Variants in GRM1 observed in about 807,000 individuals in gnomAD.
The protein encoded by GRM1 is metabotropic glutamate receptor 1.
Under a neutral mutation model 90.9 loss-of-function variants are expected in GRM1, and 33 were observed. That is an observed-to-expected ratio of 0.36 (90% confidence interval 0.28 to 0.49). The LOEUF (loss-of-function observed/expected upper bound fraction) is 0.49, where lower values mean the gene tolerates loss of function less well. Ranked by LOEUF, GRM1 falls within the 20% of genes least tolerant of loss-of-function variation. GRM1 has a pLI of 0.99. For missense variants in GRM1, 1,190 were observed against 1,534.3 expected (o/e 0.78, Z 3.75); for synonymous variants, 700 against 613.2 (o/e 1.14, Z -2.09).
chr6:146,230,726 C>A (rs1276664422), intron 2 of GRM1, among the ~76,000 whole-genome samples: 2 of 152,126 alleles, frequency 1.3e-5, no homozygotes, highest in African/African-American at 4.8e-5. Context: ...AAGTTTATAG[C>A]AGCTTTATTT....
intron 2 of GRM1, among the ~76,000 whole-genome samples, chr6:146,292,536 A>AT (rs1230323535): frequency 6.6e-6 from 1 of 151,978 alleles, no homozygotes; most frequent in East Asian, 1.9e-4. Context: ...ATCATTAGCC[A>AT]TTACAAAAAT....
chr6:146,261,788 C>T (rs962931238), intron 2 of GRM1, among the ~76,000 whole-genome samples: 1 of 151,726 alleles, frequency 6.6e-6, no homozygotes, highest in Non-Finnish European at 1.5e-5. Flanking sequence ...TTGAGATGGT[C>T]TCCTAAAATG....
At chr6:146,380,909 T>A (rs1776295874) in intron 5 of GRM1, among the ~76,000 whole-genome samples, 1 of 152,142 alleles carries the variant, frequency 6.6e-6, no homozygotes, top group South Asian at 2.1e-4. Context: ...TGTATAGAAG[T>A]GTCCTCTGGG....
chr6:146,087,654 TTTG>T (rs1776590317), intron 1 of GRM1, among the ~76,000 whole-genome samples: 1 of 152,168 alleles, frequency 6.6e-6, no homozygotes, highest in Non-Finnish European at 1.5e-5. Context: ...TCTCTATAAT[TTTG>T]TTATTTAAAG....
Position 146,422,172 on chromosome 6 carries a change from G to A in GRM1, c.2661-11700G>A, listed in dbSNP as rs112996376. Among the ~76,000 whole-genome samples the A allele has an allele frequency of 9.6e-3, 1,467 of 152,168 alleles. 26 individuals are homozygous for A. The highest frequency in any genetic ancestry group is 0.031 in the Middle Eastern group (9 of 294). ...AAAGTAGATTAACCTCCAAACCTCCGAAAACATGCAACTTCATAGACAGCT... is the reference window on the plus strand; with the variant it reads ...AAAGTAGATTAACCTCCAAACCTCCAAAAACATGCAACTTCATAGACAGCT... On this transcript the variant is annotated intron_variant, in intron 7 of 7. Coordinates refer to ENST00000282753, the MANE Select transcript of GRM1 (RefSeq NM_001278064.2).
At chr6:146,198,206 G>A (rs1224091756) in intron 2 of GRM1, among the ~76,000 whole-genome samples, 1 of 152,176 alleles carries the variant, frequency 6.6e-6, no homozygotes, top group Non-Finnish European at 1.5e-5. Context: ...TTTCTAATCT[G>A]CTTTAGCAAT....
intron 3 of GRM1, among the ~76,000 whole-genome samples, chr6:146,327,218 C>T (rs971658260): frequency 6.6e-6 from 1 of 152,086 alleles, no homozygotes; most frequent in African/African-American, 2.4e-5. Context: ...ATCATATCAC[C>T]ATAGGTCTCT....
Position 146,124,922 on chromosome 6 carries a change from G to T in GRM1, c.701-34426G>T, listed in dbSNP as rs549859191. The stretch of plus-strand genomic sequence containing the variant: ...AAATATGAAAATTTTTAAAATTCCA[G>T]TTCCTCATTTAAACTAGAGAAAACT... On this transcript the variant is annotated intron_variant, in intron 1 of 7. Transcript: ENST00000282753. Among the ~76,000 whole-genome samples, 286 of 152,212 alleles carry T rather than the reference G, an allele frequency of 1.9e-3. 2 individuals are homozygous for T. The highest frequency in any genetic ancestry group is 6.4e-3 in the African/African-American group (265 of 41,542).
intron 3 of GRM1, among the ~76,000 whole-genome samples, chr6:146,337,777 T>A (rs1427041229): frequency 1.3e-5 from 2 of 152,182 alleles, no homozygotes; most frequent in Non-Finnish European, 2.9e-5. Context: ...ATAAATGTTA[T>A]CATTATAATT....
chr6:146,359,081 T>TG (rs1775351829), intron 5 of GRM1, among the ~76,000 whole-genome samples: 1 of 152,088 alleles, frequency 6.6e-6, no homozygotes, highest in South Asian at 2.1e-4. Flanking sequence ...ATGTGGGGGA[T>TG]TCAGGAGACA....
intron 2 of GRM1, among the ~76,000 whole-genome samples, chr6:146,239,421 A>G (rs1194806570): frequency 6.6e-6 from 1 of 152,090 alleles, no homozygotes; most frequent in African/African-American, 2.4e-5. Context: ...CATTATAACT[A>G]TCTGGTTTGG....
chr6:146,133,517 T>G (rs1366224841), intron 1 of GRM1, among the ~76,000 whole-genome samples: 3 of 152,234 alleles, frequency 2.0e-5, no homozygotes, highest in African/African-American at 7.2e-5. Flanking sequence ...CTATTTTATT[T>G]ATGTATATCT....
chr6:146,352,312 A>T lies in GRM1; in HGVS notation c.1249A>T (p.Ile417Phe). 6.2e-7 allele frequency: 1 copy of T among 1,614,026 alleles called. No individual in the cohort carries two copies. Among genetic ancestry groups the T allele is most frequent in the East Asian group, 2.2e-5 (1 of 44,876 alleles). ...DSKMGFVINAIYAMAHGLQNM... is the reference protein window; with the variant it reads ...DSKMGFVINAFYAMAHGLQNM... ...TAAGATGGGGTTTGTCATCAATGCC[A>T]TCTATGCCATGGCACATGGGCTGCA... Residue 417 changes from isoleucine (I) to phenylalanine (F), a missense_variant, in exon 4 of 8, where the codon ATC becomes TTC. Around this residue, in one of 10 missense-constraint regions of GRM1, gnomAD observed 414 missense variants for 598.4 expected, o/e 0.69. Coordinates refer to ENST00000282753, the MANE Select transcript of GRM1 (RefSeq NM_001278064.2).
At position 146,159,604 on chromosome 6, in the gene GRM1, TTCTCTCTCTC is replaced by T. The variant is rs72225459; in HGVS notation, c.950+36_950+45del. 142,338 of 1,209,920 alleles carry T rather than the reference TTCTCTCTCTC, an allele frequency of 0.12. 3,421 individuals are homozygous for T. The highest frequency in any genetic ancestry group is 0.14 in the South Asian group (11,076 of 79,152). 74.9% of individuals were successfully genotyped at this position (1,209,920 alleles called of 1,614,324 possible). A position where few individuals can be genotyped will look rare whatever the true frequency, so the allele number is the denominator to read the frequency against. Reference sequence around the variant, plus strand: ...AGTTCTCACTCATTGGAAGGTAAGTTTCTCTCTCTCTCTCTCTCTCTCTCTCTCTCTCTCT... The same window carrying T: ...AGTTCTCACTCATTGGAAGGTAAGTTTCTCTCTCTCTCTCTCTCTCTCTCT... On this transcript the variant is annotated splice_region_variant and intron_variant, in intron 2 of 7. Transcript: ENST00000282753.
intron 2 of GRM1, among the ~76,000 whole-genome samples, chr6:146,267,670 GGGCTGGGCTGGGCTCGGCTCGGCTC>G (rs1481491474): frequency 0.011 from 1,371 of 125,376 alleles, 40 homozygotes; most frequent in African/African-American, 0.044. Flanking sequence ...GGGCTGGGCT[GGGCTGGGCTGGGCTCGGCTCGGCTC>G]GGCTCGGCTC....
At chr6:146,274,977 C>G (rs1446703942) in intron 2 of GRM1, among the ~76,000 whole-genome samples, 2 of 152,134 alleles carry the variant, frequency 1.3e-5, no homozygotes, top group East Asian at 3.9e-4. Context: ...TTGCAGGGAG[C>G]CAAGATCGTG....
intron 7 of GRM1, among the ~76,000 whole-genome samples, chr6:146,400,675 G>A (rs1158568642): frequency 6.6e-6 from 1 of 152,010 alleles, no homozygotes; most frequent in East Asian, 1.9e-4. Flanking sequence ...AAAATAGCAC[G>A]GATGCTTGAA....
At chr6:146,149,324 G>A (rs1226365123) in intron 1 of GRM1, among the ~76,000 whole-genome samples, 1 of 152,174 alleles carries the variant, frequency 6.6e-6, no homozygotes, top group Non-Finnish European at 1.5e-5. Context: ...GGACAGTGAA[G>A]CACTGCAGTA....
chr6:146,384,006 G>C (rs1438988576), intron 5 of GRM1, among the ~76,000 whole-genome samples: 1 of 152,112 alleles, frequency 6.6e-6, no homozygotes, highest in Non-Finnish European at 1.5e-5. Flanking sequence ...AATCACTCAG[G>C]CTTTCTGCCT....
Sources: gnomAD v4.1 joint callset for allele counts (sites outside exome capture counted in the v4.1 genomes callset) on GRCh38, gnomAD v4.1.1 for gene constraint, gnomAD v4.1.1 regional missense constraint, MANE v1.5 for transcripts, NCBI Gene and HGNC (gene_info 2026-07-23, HGNC 2026-07-21) for gene names.